SMIM14: variants seen among roughly 807,000 people sequenced by gnomAD.
SMIM14 encodes chromosome 4 open reading frame 34.
SMIM14 carries 5 observed loss-of-function variants against 12.6 expected under a neutral mutation model. The ratio of observed to expected loss-of-function variants is 0.40; its 90% CI spans 0.21 to 0.83. The LOEUF is 0.83. Ranked by LOEUF, SMIM14 falls within the 40% of genes least tolerant of loss-of-function variation. SMIM14 has a pLI of 0.37. For missense variants in SMIM14, 86 were observed against 119.1 expected (o/e 0.72, Z 1.29); for synonymous variants, 30 against 40.1 (o/e 0.75, Z 0.95).
rs1431940068 is a variant in SMIM14, at chr4:39,605,169, G to T, written c.-24C>A. Reference sequence around the variant, plus strand: ...ATGATTACCCAGCTTGATTTTACTTGACTGTTTAAATCTAGGAGGAAGGAA... The same window carrying T: ...ATGATTACCCAGCTTGATTTTACTTTACTGTTTAAATCTAGGAGGAAGGAA... On this transcript the variant is annotated 5_prime_UTR_variant, in exon 2 of 5. Coordinates refer to ENST00000295958, the MANE Select transcript of SMIM14 (RefSeq NM_174921.3). 3.1e-6 allele frequency: 5 copies of T among 1,591,326 alleles called. No homozygotes were observed. Among genetic ancestry groups the T allele is most frequent in the South Asian group, 1.1e-5 (1 of 88,984 alleles).
At chr4:39,572,305 T>TTTTTAA in intron 3 of SMIM14, 110 bp downstream of exon 3, 1 of 189,706 alleles carries the variant, frequency 5.3e-6, no homozygotes, top group Non-Finnish European at 1.0e-5. Flanking sequence ...TTTTTTTTGG[T>TTTTTAA]AACCACTAGA....
At chr4:39,638,704 C>T (rs1214118840) in intron 1 of SMIM14, 35 bp downstream of exon 1, 1 of 985,306 alleles carries the variant, frequency 1.0e-6, no homozygotes, top group African/African-American at 1.7e-5. Flanking sequence ...GAGGGTGAGC[C>T]AGCAAACGCT....
At chr4:39,635,554 T>A (rs368177073) in intron 1 of SMIM14, among the ~76,000 whole-genome samples, 7 of 152,014 alleles carry the variant, frequency 4.6e-5, no homozygotes, top group Non-Finnish European at 1.5e-5. Flanking sequence ...GCAGTAGGGA[T>A]GGGAAGAAGT....
intron 1 of SMIM14, among the ~76,000 whole-genome samples, chr4:39,613,959 G>A (rs1335983550): frequency 1.3e-5 from 2 of 152,074 alleles, no homozygotes; most frequent in Non-Finnish European, 2.9e-5. Context: ...GGGAGGCCGA[G>A]GTGGGTAGAT....
Position 39,601,946 on chromosome 4 carries a change from T to TCAAAAAAAA in SMIM14, c.75+3124_75+3125insTTTTTTTTG, listed in dbSNP as rs200465052. ...TGGGGGAAAAGAATAAGACCCTATC[T>TCAAAAAAAA]TAAAAAAAAAAAACAAAAAAAATGC... is the stretch of plus-strand genomic sequence containing the variant. On this transcript the variant is annotated intron_variant, in intron 2 of 4. Transcript: ENST00000295958. 2.6e-5 allele frequency among the ~76,000 whole-genome samples: 2 copies of TCAAAAAAAA among 77,280 alleles called. 1 individual carries two copies. Among genetic ancestry groups the TCAAAAAAAA allele is most frequent in the Non-Finnish European group, 5.4e-5 (2 of 37,040 alleles). The allele number at this position is 77,280 out of a possible 152,430, so 50.7% of individuals were successfully genotyped here.
intron 1 of SMIM14, among the ~76,000 whole-genome samples, chr4:39,617,274 G>T (rs1384418658): frequency 6.6e-6 from 1 of 152,162 alleles, no homozygotes; most frequent in African/African-American, 2.4e-5. Flanking sequence ...TAAGATTTTA[G>T]TTTTTGAAAG....
chr4:39,621,876 C>G (rs2110075284), intron 1 of SMIM14, among the ~76,000 whole-genome samples: 1 of 148,586 alleles, frequency 6.7e-6, no homozygotes, highest in South Asian at 2.1e-4. Context: ...GAGACGGGGT[C>G]TCATTATGTT....
At chr4:39,554,389 C>T (rs573004209) in intron 4 of SMIM14, among the ~76,000 whole-genome samples, 2 of 152,312 alleles carry the variant, frequency 1.3e-5, no homozygotes, top group East Asian at 3.9e-4. Flanking sequence ...AGGCACATCA[C>T]TTGAGGTCAG....
chr4:39,585,913 A>G lies in SMIM14; in HGVS notation c.76-13450T>C, dbSNP rs564220991. 1.6e-4 allele frequency among the ~76,000 whole-genome samples: 24 copies of G among 152,222 alleles called. No homozygotes were observed. In the South Asian group the frequency reaches 4.8e-3, roughly 30 times the overall value. On this transcript the variant is annotated intron_variant, in intron 2 of 4. Transcript: ENST00000295958. ...GGTCGCTCTTCCCTTGTCATGAAGA[A>G]TAATGTCCAGATCATTCTTCCCTTG...
At chr4:39,636,321 T>G (rs1369656827) in intron 1 of SMIM14, among the ~76,000 whole-genome samples, 1 of 152,116 alleles carries the variant, frequency 6.6e-6, no homozygotes, top group Non-Finnish European at 1.5e-5. Flanking sequence ...ATCAAACCAC[T>G]GAGTAGCAAA....
At chr4:39,554,654 CTTTTTTT>C (rs111326390) in intron 4 of SMIM14, among the ~76,000 whole-genome samples, 20 of 95,194 alleles carry the variant, frequency 2.1e-4, no homozygotes, top group South Asian at 8.0e-4. Context: ...GGAAATTTTC[CTTTTTTT>C]TTTTTTTTTT....
chr4:39,609,123 C>T lies in SMIM14; in HGVS notation c.-35-3943G>A, dbSNP rs555113489. ...TCCAGACTAGCTAGGACTACAGGCG[C>T]GTGCCACCATGCCCGGCTAATTTTT... On this transcript the variant is annotated intron_variant, in intron 1 of 4. Transcript: ENST00000295958. Among the ~76,000 whole-genome samples the T allele has an allele frequency of 3.9e-5, 6 of 151,914 alleles. No individual in the cohort carries two copies. In the East Asian group the frequency reaches 5.8e-4, roughly 15 times the overall value.
rs148755086 is a variant in SMIM14 at position 39,633,810 on chromosome 4, G to A, written c.-36+4929C>T. On this transcript the variant is annotated intron_variant, in intron 1 of 4. Coordinates refer to ENST00000295958, the MANE Select transcript of SMIM14 (RefSeq NM_174921.3). ...ACGAATACAAAGTAATAGGTTTTGG[G>A]TGTGGGGAATGAGCAGGTAATACAA... Among the ~76,000 whole-genome samples, 210 of 152,362 alleles carry A rather than the reference G, an allele frequency of 1.4e-3. 1 individual carries two copies. Among genetic ancestry groups the A allele is most frequent in the African/African-American group, 4.7e-3 (195 of 41,582 alleles).
intron 1 of SMIM14, chr4:39,638,368 C>T (rs1345421374): frequency 2.1e-5 from 15 of 712,380 alleles, no homozygotes; most frequent in Non-Finnish European, 2.2e-5. Context: ...GTGTGGATTT[C>T]AGGATTTGTG....
chr4:39,549,935 T>C lies in SMIM14; in HGVS notation c.*2191A>G, dbSNP rs1711581597. ...GAGTTGGTTATATTATTTCAAGAAA[T>C]TGAGCACAAAGCCAGGATGTACAAG... On this transcript the variant is annotated 3_prime_UTR_variant, in exon 5 of 5. Transcript: ENST00000295958. 1 of 151,878 alleles carries C rather than the reference T, an allele frequency of 6.6e-6. No individual in the cohort carries two copies. The highest frequency in any genetic ancestry group is 1.5e-5 in the Non-Finnish European group (1 of 67,962). 9.4% of individuals were successfully genotyped at this position (151,878 alleles called of 1,614,324 possible). A position where few individuals can be genotyped will look rare whatever the true frequency, so the allele number is the denominator to read the frequency against.
At chr4:39,618,475 C>T (rs1341371834) in intron 1 of SMIM14, among the ~76,000 whole-genome samples, 1 of 151,776 alleles carries the variant, frequency 6.6e-6, no homozygotes, top group Non-Finnish European at 1.5e-5. Flanking sequence ...GGTGAAACCC[C>T]ATCTCTATTA....
intron 2 of SMIM14, among the ~76,000 whole-genome samples, chr4:39,576,670 A>G (rs1465612334): frequency 0.028 from 797 of 28,858 alleles, 26 homozygotes; most frequent in Non-Finnish European, 0.053. Context: ...GTATATATAT[A>G]TATATATATA....
chr4:39,605,237 G>T, intron 1 of SMIM14, 57 bp from the exon 2 acceptor site: 2 of 987,208 alleles, frequency 2.0e-6, no homozygotes, highest in South Asian at 1.7e-5. Context: ...TCTTTCTCTT[G>T]AGCTATGAAA....
chr4:39,557,981 A>T (rs1043449399), intron 3 of SMIM14, among the ~76,000 whole-genome samples: 1 of 152,106 alleles, frequency 6.6e-6, no homozygotes, highest in Non-Finnish European at 1.5e-5. Context: ...TCTTCTATCA[A>T]TTTTTTCTAT....
Sources: allele counts gnomAD v4.1 joint callset (sites outside exome capture counted in the v4.1 genomes callset), GRCh38; gene constraint gnomAD v4.1.1; transcripts MANE v1.5; gene names NCBI Gene and HGNC (gene_info 2026-07-23, HGNC 2026-07-21).